Variants in TOX3 observed in about 807,000 individuals in gnomAD.
TOX3 encodes the protein TOX high mobility group box family member 3.
Under a neutral mutation model 64.3 loss-of-function variants are expected in TOX3, and 22 were observed. The observed-to-expected ratio is 0.34, with a 90% CI of 0.24 to 0.49. The LOEUF is 0.49. Ranked by LOEUF, TOX3 falls within the 20% of genes least tolerant of loss-of-function variation. TOX3 has a pLI of 0.99. For synonymous variants in TOX3, 291 were observed against 273.6 expected (o/e 1.06, Z -0.63); for missense variants, 661 against 714.4 (o/e 0.93, Z 0.85).
At position 52,546,918 on chromosome 16, in the gene TOX3, G is replaced by A. The variant is rs1963210095; in HGVS notation, c.-195C>T. ...GCCGCACACAAAGGCGCGGCCACGC[G>A]AGCCGCGGGAGAGCGGGAGGCGGCC... is the stretch of plus-strand genomic sequence containing the variant. On this transcript the variant is annotated 5_prime_UTR_variant, in exon 1 of 7. Coordinates refer to ENST00000219746, the MANE Select transcript of TOX3 (RefSeq NM_001080430.4). The A allele has an allele frequency of 9.4e-7, 1 of 1,067,728 alleles. No homozygotes were observed. Among genetic ancestry groups the A allele is most frequent in the Non-Finnish European group, 1.1e-6 (1 of 884,238 alleles). The allele number at this position is 1,067,728 out of a possible 1,614,324, so 66.1% of individuals were successfully genotyped here.
At chr16:52,461,395 C>T (rs191290696) in intron 3 of TOX3, among the ~76,000 whole-genome samples, 31 of 152,200 alleles carry the variant, frequency 2.0e-4, no homozygotes, top group Admixed American at 1.2e-3. Context: ...AATGTGAATG[C>T]TAATCACTGG....
chr16:52,508,425 G>A (rs1962218026), intron 1 of TOX3, among the ~76,000 whole-genome samples: 1 of 152,152 alleles, frequency 6.6e-6, no homozygotes, highest in African/African-American at 2.4e-5. Context: ...AATGTCCAGA[G>A]GGAGTATACT....
intron 1 of TOX3, among the ~76,000 whole-genome samples, chr16:52,482,929 A>C (rs1435573378): frequency 6.6e-6 from 1 of 152,218 alleles, no homozygotes; most frequent in Non-Finnish European, 1.5e-5. Context: ...CTTTGGCCAT[A>C]ATAAAAATAA....
rs377421050 is a variant in TOX3 at position 52,509,519 on chromosome 16, C to G, written c.87+37118G>C. ...TTTAAATGAAATTTTAACATTCAGA[C>G]CTCTTGCTCCCAAAACACATAAGCC... On this transcript the variant is annotated intron_variant, in intron 1 of 6. Coordinates refer to ENST00000219746, the MANE Select transcript of TOX3 (RefSeq NM_001080430.4). 3.0e-4 allele frequency among the ~76,000 whole-genome samples: 46 copies of G among 152,290 alleles called. No homozygotes were observed. In the South Asian group the frequency reaches 9.3e-3, roughly 31 times the overall value.
In TOX3 at chr16:52,467,107, T is replaced by C. The variant is rs559223820; in HGVS notation, c.153+1402A>G. Among the ~76,000 whole-genome samples the C allele has an allele frequency of 3.9e-5, 6 of 152,354 alleles. No homozygotes were observed. The South Asian group carries it at 1.2e-3, about 32-fold the overall frequency. On this transcript the variant is annotated intron_variant, in intron 2 of 6. Transcript: ENST00000219746. ...TGTACTGAAATGTTCAAAACATTTG[T>C]TCCTTTTGATAAAAATGCAAATCTG...
Position 52,464,090 on chromosome 16 carries a change from T to C in TOX3, c.252A>G (p.Val84=). 6.2e-7 allele frequency: 1 copy of C among 1,603,210 alleles called. No homozygotes were observed. Among genetic ancestry groups the C allele is most frequent in the Non-Finnish European group, 8.5e-7 (1 of 1,175,078 alleles). ...ESDPALGMPD[V]LLPFQALSDP... is the part of the protein sequence containing the mutation. Reference sequence around the variant, plus strand: ...CGCTGAGGGCTTGAAAGGGTAGCAGTACATCCGGCATGCCTAGGGCAGGGT... The same window carrying C: ...CGCTGAGGGCTTGAAAGGGTAGCAGCACATCCGGCATGCCTAGGGCAGGGT... The change falls in exon 3 of 7, where the codon GTA becomes GTG. Residue 84 remains valine (V), a synonymous_variant. Transcript: ENST00000219746.
intron 2 of TOX3, among the ~76,000 whole-genome samples, chr16:52,467,227 A>T (rs540689204): frequency 2.0e-5 from 3 of 152,172 alleles, no homozygotes; most frequent in Non-Finnish European, 4.4e-5. Flanking sequence ...CTGGCAGTAG[A>T]GCTTTCATCA....
intron 1 of TOX3, among the ~76,000 whole-genome samples, chr16:52,526,691 C>T (rs895081451): frequency 2.0e-5 from 3 of 152,058 alleles, no homozygotes; most frequent in African/African-American, 7.2e-5. Flanking sequence ...GAATTCCAGG[C>T]GTAGTAGAGA....
At chr16:52,464,671 G>T (rs1357087340) in intron 2 of TOX3, among the ~76,000 whole-genome samples, 1 of 152,108 alleles carries the variant, frequency 6.6e-6, no homozygotes, top group East Asian at 1.9e-4. Context: ...TTTGTGGTTT[G>T]CTTTTTTAAT....
intron 4 of TOX3, among the ~76,000 whole-genome samples, chr16:52,446,814 A>G (rs762266937): frequency 6.6e-6 from 1 of 152,222 alleles, no homozygotes; most frequent in Non-Finnish European, 1.5e-5. Flanking sequence ...ATTTTCTAAA[A>G]ATAATTTTCT....
intron 1 of TOX3, among the ~76,000 whole-genome samples, chr16:52,516,052 G>T (rs1045436850): frequency 1.3e-5 from 2 of 151,656 alleles, no homozygotes; most frequent in Non-Finnish European, 2.9e-5. Flanking sequence ...AATCCTCAAA[G>T]AATCAATCAC....
intron 4 of TOX3, among the ~76,000 whole-genome samples, chr16:52,449,649 G>A (rs558919978): frequency 1.3e-5 from 2 of 152,252 alleles, no homozygotes; most frequent in South Asian, 4.1e-4. Flanking sequence ...CACAGAGTAG[G>A]TATACAGCAC....
chr16:52,534,113 T>C (rs897758210), intron 1 of TOX3, among the ~76,000 whole-genome samples: 1 of 152,170 alleles, frequency 6.6e-6, no homozygotes, highest in African/African-American at 2.4e-5. Flanking sequence ...ATATCCATTG[T>C]GGACAATGAC....
chr16:52,536,746 C>A (rs1168636207), intron 1 of TOX3, among the ~76,000 whole-genome samples: 2 of 144,756 alleles, frequency 1.4e-5, no homozygotes, highest in African/African-American at 5.1e-5. Context: ...ATCTTATTCC[C>A]ATAGTCCAAT....
intron 1 of TOX3, among the ~76,000 whole-genome samples, chr16:52,488,265 G>A (rs1029378362): frequency 3.9e-5 from 6 of 152,076 alleles, no homozygotes; most frequent in Admixed American, 6.6e-5. Flanking sequence ...TCAGTGTCCC[G>A]TGTAAACCAC....
intron 3 of TOX3, among the ~76,000 whole-genome samples, chr16:52,453,491 C>T (rs1329503126): frequency 2.6e-5 from 4 of 152,050 alleles, no homozygotes; most frequent in Non-Finnish European, 5.9e-5. Context: ...GCCCAGAATG[C>T]TTTTTAAAAA....
At chr16:52,540,054 A>T (rs1596871426) in intron 1 of TOX3, among the ~76,000 whole-genome samples, 1 of 152,170 alleles carries the variant, frequency 6.6e-6, no homozygotes, top group Admixed American at 6.5e-5. Flanking sequence ...TCTTTACAAA[A>T]GTAAAACTCT....
At chr16:52,445,849 C>A in intron 5 of TOX3, 145 bp downstream of exon 5, 1 of 750,134 alleles carries the variant, frequency 1.3e-6, no homozygotes, top group Non-Finnish European at 2.1e-6. Context: ...ATTTATATGT[C>A]TGGGTTTTTA....
intron 6 of TOX3, among the ~76,000 whole-genome samples, chr16:52,442,824 T>A (rs1960041681): frequency 6.6e-6 from 1 of 152,194 alleles, no homozygotes; most frequent in South Asian, 2.1e-4. Flanking sequence ...TATTTTAAAT[T>A]TATTCCTTCT....
Sources: allele counts gnomAD v4.1 joint callset (sites outside exome capture counted in the v4.1 genomes callset), GRCh38; gene constraint gnomAD v4.1.1; transcripts MANE v1.5; gene names NCBI Gene and HGNC (gene_info 2026-07-23, HGNC 2026-07-21).